The following ATP13A3 variants were observed in gnomAD, a reference collection of about 807,000 sequenced individuals.
The protein encoded by ATP13A3 is polyamine-transporting ATPase 13A3.
ATP13A3 carries 59 observed loss-of-function variants against 158.1 expected under a neutral mutation model. That is an observed-to-expected ratio of 0.37 (90% CI 0.30 to 0.46). The LOEUF (loss-of-function observed/expected upper bound fraction) is 0.46, where lower values mean the gene tolerates loss of function less well. Among genes scored for constraint, ATP13A3 ranks in the 20% least tolerant of loss-of-function variants. ATP13A3 has a pLI of 1.00. For synonymous variants in ATP13A3, 491 were observed against 504.3 expected, an observed-to-expected ratio of 0.97 and a Z score of 0.35; for missense variants, 1,166 against 1,525.2, an observed-to-expected ratio of 0.76 and a Z score of 3.92.
chr3:194,488,891 C>T (rs1435360351), upstream of ATP13A3, among the ~76,000 whole-genome samples: 2 of 152,232 alleles, frequency 1.3e-5, no homozygotes, highest in Non-Finnish European at 2.9e-5. This position sits in a 1 kb window ranked among gnomAD's most constrained non-coding sequence, Gnocchi z 4.1. Context: ...AACCCAGACC[C>T]CTTCCACAAA....
At chr3:194,430,551 A>ATT (rs971671774) in intron 24 of ATP13A3, among the ~76,000 whole-genome samples, 1 of 152,160 alleles carries the variant, frequency 6.6e-6, no homozygotes, top group African/African-American at 2.4e-5. Context: ...TCGGCAAATC[A>ATT]TTTTGGTGTC....
Position 194,429,702 on chromosome 3 carries a change from G to C in ATP13A3, c.2850C>G (p.Tyr950Ter). ...KFMALYSIIQ[Y>*]FSVTLLYSIL... ...CAGAATACAGCAGAGTAACACTGAA[G>C]TACTGGATAATGCTGTACAATGCCA... Residue 950 changes from tyrosine (Y) to a stop codon, truncating the protein, a stop_gained, in exon 27 of 34, where the codon TAC (tyrosine) becomes TAG (stop). Coordinates refer to ENST00000645319, the MANE Select transcript of ATP13A3 (RefSeq NM_001367549.1). LOFTEE classifies it high-confidence loss of function. The C allele has an allele frequency of 6.2e-7, 1 of 1,612,714 alleles. No individual in the cohort carries two copies. The highest frequency in any genetic ancestry group is 8.5e-7 in the Non-Finnish European group (1 of 1,178,748).
At chr3:194,446,851 G>C in intron 14 of ATP13A3, 76 bp downstream of exon 14, 1 of 1,361,728 alleles carries the variant, frequency 7.3e-7, no homozygotes, top group Non-Finnish European at 9.9e-7. Context: ...TGTTGACAAA[G>C]AAAATAAAAA....
At position 194,450,235 on chromosome 3, in the gene ATP13A3, C is replaced by T; in HGVS notation, c.880G>A (p.Val294Ile). The change falls in exon 11 of 34, where the codon GTC (valine) becomes ATC (isoleucine). Residue 294 changes from valine (V) to isoleucine (I), a missense_variant. Val to Ile is a conservative substitution (Grantham distance 29, BLOSUM62 3). This residue lies in a region of ATP13A3 where 997 missense variants were observed against 1,341.2 expected (regional missense o/e 0.74). Transcript: ENST00000645319. The stretch of plus-strand genomic sequence containing the variant: ...GTCCCATTTAATGGAATGACCATGA[C>T]ATCTCCTGGCACAAGGTCGGTAGAA... The part of the protein sequence containing the change: ...IFSTDLVPGD[V>I]MVIPLNGTIM... 6.2e-7 allele frequency: 1 copy of T among 1,613,262 alleles called. No homozygotes were observed. The highest frequency in any genetic ancestry group is 8.5e-7 in the Non-Finnish European group (1 of 1,179,254).
At chr3:194,436,400 T>C (rs1265253559) in intron 20 of ATP13A3, among the ~76,000 whole-genome samples, 1 of 152,166 alleles carries the variant, frequency 6.6e-6, no homozygotes, top group Non-Finnish European at 1.5e-5. Flanking sequence ...CTATGACTCA[T>C]TATATTCTGA....
At chr3:194,434,899 C>G (rs1232817033) in intron 20 of ATP13A3, among the ~76,000 whole-genome samples, 2 of 152,022 alleles carry the variant, frequency 1.3e-5, no homozygotes, top group African/African-American at 4.8e-5. Flanking sequence ...CTAGCCTAAG[C>G]AACAAAGAGA....
At chr3:194,482,795 G>T (rs939718812) in intron 2 of ATP13A3, among the ~76,000 whole-genome samples, 1 of 152,026 alleles carries the variant, frequency 6.6e-6, no homozygotes, top group Non-Finnish European at 1.5e-5. Context: ...GCAACAAACC[G>T]AGATACTCAT....
chr3:194,471,343 A>AAAAAAG (rs1720297051), intron 2 of ATP13A3, among the ~76,000 whole-genome samples: 1 of 149,480 alleles, frequency 6.7e-6, no homozygotes, highest in African/African-American at 2.5e-5. Context: ...AAAAAAAAAA[A>AAAAAAG]AAAAGAAAAG....
chr3:194,493,386 C>A (rs1030816093), intron 2 of ATP13A3, among the ~76,000 whole-genome samples: 1 of 152,200 alleles, frequency 6.6e-6, no homozygotes, highest in Non-Finnish European at 1.5e-5. Context: ...ACGGCTCACC[C>A]CTGTAATCCC....
chr3:194,460,939 T>C, intron 3 of ATP13A3, 108 bp from the exon 4 acceptor site: 1 of 1,155,008 alleles, frequency 8.7e-7, no homozygotes, highest in East Asian at 2.6e-5. Flanking sequence ...TATTGTCTTG[T>C]CACATAAACT....
chr3:194,482,650 C>T (rs905709010), intron 2 of ATP13A3, among the ~76,000 whole-genome samples: 3 of 152,162 alleles, frequency 2.0e-5, no homozygotes, highest in Admixed American at 2.0e-4. Context: ...TTGCTTCTTG[C>T]ATGCTATTTG....
intron 2 of ATP13A3, among the ~76,000 whole-genome samples, chr3:194,466,925 G>A (rs567585858): frequency 5.3e-5 from 8 of 152,214 alleles, no homozygotes; most frequent in African/African-American, 7.2e-5. Flanking sequence ...AGAGGGCCAC[G>A]AATATTAAGG....
chr3:194,459,859 C>T lies in ATP13A3; in HGVS notation c.338G>A (p.Cys113Tyr). The T allele has an allele frequency of 1.2e-6, 2 of 1,613,566 alleles. No homozygotes were observed. Among genetic ancestry groups the T allele is most frequent in the Non-Finnish European group, 1.7e-6 (2 of 1,179,728 alleles). Reference protein sequence around the residue: ...SNKLSNGHAVCLIENPTEENR... With the variant: ...SNKLSNGHAVYLIENPTEENR... ...TTCTTCAGTGGGATTCTCAATTAAA[C>T]AAACTGCATGGCCATTTGAAAGCTT... Residue 113 changes from cysteine to tyrosine, a missense_variant, in exon 5 of 34, where the codon TGT (cysteine) becomes TAT (tyrosine). Transcript: ENST00000645319.
At position 194,406,065 on chromosome 3, in the gene ATP13A3, T is replaced by C. The variant is rs372880544; in HGVS notation, c.3625A>G (p.Arg1209Gly). The change falls in exon 34 of 34, where the codon AGA becomes GGA. Residue 1209 changes from arginine (R) to glycine (G), a missense_variant. Arg to Gly is a moderately radical substitution (Grantham distance 125). Coordinates refer to ENST00000645319, the MANE Select transcript of ATP13A3 (RefSeq NM_001367549.1). ...TACTTTGCCTTTGGTGTCTTCTTTC[T>C]ACAGCCCAGGGCCCAGGGTAAGCAG... is the stretch of plus-strand genomic sequence containing the variant. ...KCCLPWALGCRKKTPKAKYMY... is the reference protein window; with the variant it reads ...KCCLPWALGCGKKTPKAKYMY... The C allele has an allele frequency of 3.1e-6, 5 of 1,614,074 alleles. No individual in the cohort carries two copies. The African/African-American group carries it at 5.3e-5, about 17-fold the overall frequency.
chr3:194,431,961 G>C, intron 21 of ATP13A3, 69 bp from the exon 22 acceptor site: 2 of 1,274,108 alleles, frequency 1.6e-6, no homozygotes, highest in Non-Finnish European at 2.1e-6. Context: ...ACATGTACTT[G>C]CTGAGAATCT....
In ATP13A3 at chr3:194,404,097, T is replaced by C. The variant is rs1343313381; in HGVS notation, c.*1822A>G. 2.2e-6 allele frequency: 1 copy of C among 451,384 alleles called. No homozygotes were observed. Among genetic ancestry groups the C allele is most frequent in the East Asian group, 7.0e-5 (1 of 14,382 alleles). The allele number at this position is 451,384 out of a possible 1,614,324, so 28.0% of individuals were successfully genotyped here. On this transcript the variant is annotated 3_prime_UTR_variant, in exon 34 of 34. Coordinates refer to ENST00000645319, the MANE Select transcript of ATP13A3 (RefSeq NM_001367549.1). ...CACTGAAGAATAACACGAGCATATTTGAAATTAATATGGAAATTATAAAAT... is the reference window on the plus strand; with the variant it reads ...CACTGAAGAATAACACGAGCATATTCGAAATTAATATGGAAATTATAAAAT...
At chr3:194,414,830 G>A (rs1199795525) in intron 31 of ATP13A3, among the ~76,000 whole-genome samples, 1 of 152,206 alleles carries the variant, frequency 6.6e-6, no homozygotes, top group African/African-American at 2.4e-5. Context: ...TGTTTAAATT[G>A]AGGGATCTGT....
At chr3:194,475,558 GTAACATT>G (rs571431981) in intron 2 of ATP13A3, among the ~76,000 whole-genome samples, 216 of 152,266 alleles carry the variant, frequency 1.4e-3, no homozygotes, top group African/African-American at 5.0e-3. Flanking sequence ...TGCAAAGGCC[GTAACATT>G]TACATTCAAC....
At chr3:194,472,988 C>T (rs2109026859) in intron 2 of ATP13A3, among the ~76,000 whole-genome samples, 1 of 152,162 alleles carries the variant, frequency 6.6e-6, no homozygotes, top group East Asian at 1.9e-4. Context: ...ACAATGGACA[C>T]TGGCAATGAC....
Sources: gnomAD v4.1 joint callset for allele counts (sites outside exome capture counted in the v4.1 genomes callset) on GRCh38, gnomAD v4.1.1 for gene constraint, gnomAD v4.1.1 regional missense constraint, Gnocchi (gnomAD v3.1) non-coding constraint, MANE v1.5 for transcripts, NCBI Gene and HGNC (gene_info 2026-07-23, HGNC 2026-07-21) for gene names.